Variants in FAM114A1 observed in about 807,000 individuals in gnomAD.
FAM114A1 encodes the protein family with sequence similarity 114 member A1.
FAM114A1 carries 62 observed loss-of-function variants against 64.3 expected under a neutral mutation model. The ratio of observed to expected loss-of-function variants is 0.96; its 90% CI spans 0.79 to 1.19. The LOEUF is 1.19. Ranked by LOEUF, FAM114A1 falls within the 50% of genes most tolerant of loss-of-function variation. The probability of loss-of-function intolerance (pLI) is 0.00; values close to 1 mark genes in which losing one functional copy is unlikely to be tolerated. For synonymous variants in FAM114A1, 254 were observed against 251.1 expected, an observed-to-expected ratio of 1.01 and a Z score of -0.11; for missense variants, 645 against 676.3, an observed-to-expected ratio of 0.95 and a Z score of 0.51.
chr4:38,915,747 GTGTGTGT>G (rs1560316305), intron 8 of FAM114A1, among the ~76,000 whole-genome samples: 2 of 33,474 alleles, frequency 6.0e-5, no homozygotes, highest in African/African-American at 2.4e-4. Context: ...CTATAGTGGT[GTGTGTGT>G]GTGTGTGTGT....
At chr4:38,938,958 C>T (rs1721341711) in intron 13 of FAM114A1, among the ~76,000 whole-genome samples, 1 of 152,202 alleles carries the variant, frequency 6.6e-6, no homozygotes, top group African/African-American at 2.4e-5. Context: ...ATTCCTTCTG[C>T]ATATTGTATT....
intron 11 of FAM114A1, 120 bp downstream of exon 11, chr4:38,931,732 T>G (rs1720660914): frequency 9.2e-7 from 1 of 1,087,808 alleles, no homozygotes; most frequent in African/African-American, 1.6e-5. Flanking sequence ...TATAGAAATA[T>G]AAGTTTGAGA....
chr4:38,922,990 G>C lies in FAM114A1; in HGVS notation c.1069+97G>C, dbSNP rs146049314. 1,260 of 1,323,896 alleles carry C rather than the reference G, an allele frequency of 9.5e-4. 15 individuals carry two copies. In the African/African-American group the frequency reaches 0.018, roughly 19 times the overall value. 82.0% of individuals were successfully genotyped at this position (1,323,896 alleles called of 1,614,324 possible). Reference sequence around the variant, plus strand: ...CAGCCCTTTGAATTACTTAATTCAAGTGCTCCTCCTCCATGCTTCCAAAAG... The same window carrying C: ...CAGCCCTTTGAATTACTTAATTCAACTGCTCCTCCTCCATGCTTCCAAAAG... On this transcript the variant is annotated intron_variant, in intron 9 of 14. Coordinates refer to ENST00000358869, the MANE Select transcript of FAM114A1 (RefSeq NM_138389.4).
intron 3 of FAM114A1, among the ~76,000 whole-genome samples, chr4:38,882,695 T>A (rs997508990): frequency 6.6e-6 from 1 of 152,222 alleles, no homozygotes; most frequent in African/African-American, 2.4e-5. Flanking sequence ...GAATAGACTT[T>A]GAGGACGTAC....
At chr4:38,897,197 G>A (rs1201079935) in intron 4 of FAM114A1, among the ~76,000 whole-genome samples, 2 of 152,194 alleles carry the variant, frequency 1.3e-5, no homozygotes, top group African/African-American at 4.8e-5. Flanking sequence ...TTACTAACTA[G>A]CTACACTGTG....
intron 3 of FAM114A1, 41 bp downstream of exon 3, chr4:38,878,467 G>T: frequency 1.3e-6 from 2 of 1,526,672 alleles, no homozygotes; most frequent in South Asian, 1.3e-5. Context: ...CTAAGTTCTT[G>T]CTTATATCTA....
intron 2 of FAM114A1, among the ~76,000 whole-genome samples, chr4:38,873,983 C>G (rs1714359541): frequency 1.3e-5 from 2 of 152,148 alleles, no homozygotes. Context: ...AAATAGTCAT[C>G]ATGAACCATA....
chr4:38,945,315 G>A lies in FAM114A1; in HGVS notation c.*1758G>A, dbSNP rs1721884925. 6.7e-6 allele frequency: 1 copy of A among 150,274 alleles called. No homozygotes were observed. The highest frequency in any genetic ancestry group is 1.5e-5 in the Non-Finnish European group (1 of 66,850). The allele number at this position is 150,274 out of a possible 1,614,324, so 9.3% of individuals were successfully genotyped here. A position where few individuals can be genotyped will look rare whatever the true frequency, so the allele number is the denominator to read the frequency against. On this transcript the variant is annotated 3_prime_UTR_variant, in exon 15 of 15. Coordinates refer to ENST00000358869, the MANE Select transcript of FAM114A1 (RefSeq NM_138389.4). The stretch of plus-strand genomic sequence containing the variant: ...ATATTGATCCATGGGAGGCTGCACA[G>A]AAGACCCTGCGGCCAGGAGGGGCAT...
intron 2 of FAM114A1, among the ~76,000 whole-genome samples, chr4:38,870,548 A>G (rs1713945987): frequency 6.6e-6 from 1 of 152,182 alleles, no homozygotes; most frequent in African/African-American, 2.4e-5. Context: ...TTACTCACGA[A>G]AAACTAACTT....
intron 8 of FAM114A1, among the ~76,000 whole-genome samples, chr4:38,915,744 G>GGT (rs58018099): frequency 0.15 from 20,454 of 138,914 alleles, 1,505 homozygotes; most frequent in Admixed American, 0.22. Flanking sequence ...CATCTATAGT[G>GGT]GTGTGTGTGT....
rs1489509819 is a variant in FAM114A1 at position 38,878,109 on chromosome 4, A to G, written c.31A>G (p.Thr11Ala). MSDDAGDTLA[T>A]GDKAEVTEMP... ...TGATGATGCTGGTGACACCTTAGCC[A>G]CTGGAGACAAAGCAGAAGTTACTGA... Residue 11 changes from threonine to alanine, a missense_variant, in exon 3 of 15, where the codon ACT (threonine) becomes GCT (alanine). Physicochemically the swap from Thr to Ala is moderately conservative, Grantham distance 58. Transcript: ENST00000358869. The G allele has an allele frequency of 3.1e-6, 5 of 1,612,876 alleles. No individual in the cohort carries two copies. The African/African-American group carries it at 4.0e-5, about 13-fold the overall frequency.
At chr4:38,924,085 T>G (rs531399619) in intron 9 of FAM114A1, among the ~76,000 whole-genome samples, 26 of 152,186 alleles carry the variant, frequency 1.7e-4, no homozygotes, top group Non-Finnish European at 3.7e-4. Flanking sequence ...TTTTCACCAT[T>G]TTCTTGCTAT....
chr4:38,916,428 ATG>A (rs1719055970), intron 8 of FAM114A1, among the ~76,000 whole-genome samples: 1 of 152,204 alleles, frequency 6.6e-6, no homozygotes, highest in Non-Finnish European at 1.5e-5. Flanking sequence ...AGAAGCACAA[ATG>A]TGTGTGGAGT....
At chr4:38,885,864 C>G (rs530445472) in intron 3 of FAM114A1, among the ~76,000 whole-genome samples, 6 of 152,150 alleles carry the variant, frequency 3.9e-5, no homozygotes, top group African/African-American at 1.4e-4. Context: ...CCCATAATGT[C>G]ACAATATGCA....
chr4:38,924,459 G>T (rs1348066176), intron 9 of FAM114A1, among the ~76,000 whole-genome samples: 1 of 152,196 alleles, frequency 6.6e-6, no homozygotes, highest in Non-Finnish European at 1.5e-5. Context: ...TCTGACACAA[G>T]AGCTCAAATG....
At chr4:38,895,204 C>T (rs1334531804) in intron 4 of FAM114A1, among the ~76,000 whole-genome samples, 4 of 152,172 alleles carry the variant, frequency 2.6e-5, no homozygotes, top group Admixed American at 6.5e-5. Context: ...GCTTTGAAGA[C>T]GTCATCTTTC....
chr4:38,911,994 T>C lies in FAM114A1; in HGVS notation c.793-2927T>C, dbSNP rs140818145. Among the ~76,000 whole-genome samples the C allele has an allele frequency of 9.0e-3, 1,369 of 151,678 alleles. 24 individuals are homozygous for C. The highest frequency in any genetic ancestry group is 0.031 in the African/African-American group (1,281 of 41,332). ...CCCCTGCCTCAGCCTCCTGAGTAGC[T>C]GGGATTACAGTGTGCACCACCACGC... On this transcript the variant is annotated intron_variant, in intron 7 of 14. Transcript: ENST00000358869.
chr4:38,895,112 A>AG (rs1174261082), intron 4 of FAM114A1, among the ~76,000 whole-genome samples: 1 of 152,162 alleles, frequency 6.6e-6, no homozygotes, highest in South Asian at 2.1e-4. Flanking sequence ...AAGTCTCTGG[A>AG]GGATAGGGTG....
chr4:38,945,109 G>T lies in FAM114A1; in HGVS notation c.*1552G>T, dbSNP rs185833968. The T allele has an allele frequency of 2.0e-5, 3 of 152,178 alleles. No individual in the cohort carries two copies. The highest frequency in any genetic ancestry group is 4.4e-5 in the Non-Finnish European group (3 of 68,028). 9.4% of individuals were successfully genotyped at this position (152,178 alleles called of 1,614,324 possible). A position where few individuals can be genotyped will look rare whatever the true frequency, so the allele number is the denominator to read the frequency against. On this transcript the variant is annotated 3_prime_UTR_variant, in exon 15 of 15. Transcript: ENST00000358869. ...TAAAATTAATTTCTTACGATCACGAGCACATGGTGGCATAATTACAAAGCT... is the reference window on the plus strand; with the variant it reads ...TAAAATTAATTTCTTACGATCACGATCACATGGTGGCATAATTACAAAGCT...
Sources: allele counts gnomAD v4.1 joint callset (sites outside exome capture counted in the v4.1 genomes callset), GRCh38; gene constraint gnomAD v4.1.1; transcripts MANE v1.5; gene names NCBI Gene and HGNC (gene_info 2026-07-23, HGNC 2026-07-21).